The following CDKL2 variants were observed in gnomAD, a reference collection of about 807,000 sequenced individuals.
CDKL2 encodes the protein cyclin dependent kinase like 2, also known as cyclin-dependent kinase-like 2.
Under a neutral mutation model 63.9 loss-of-function variants are expected in CDKL2, and 64 were observed. The ratio of observed to expected loss-of-function variants is 1.00; its 90% CI spans 0.82 to 1.23. The LOEUF (loss-of-function observed/expected upper bound fraction) is 1.23. Ranked by LOEUF, CDKL2 falls within the 50% of genes most tolerant of loss-of-function variation. CDKL2 has a pLI of 0.00. For synonymous variants in CDKL2, 211 were observed against 229.2 expected, an observed-to-expected ratio of 0.92 and a Z score of 0.72; for missense variants, 656 against 668.0, an observed-to-expected ratio of 0.98 and a Z score of 0.20.
intron 12 of CDKL2, among the ~76,000 whole-genome samples, chr4:75,586,075 C>G (rs1193330312): frequency 1.3e-5 from 2 of 152,136 alleles, no homozygotes; most frequent in African/African-American, 4.8e-5. Context: ...TGAGTGTATT[C>G]TCTGACTACA....
chr4:75,599,564 A>AG (rs1271885784), intron 7 of CDKL2, among the ~76,000 whole-genome samples: 2 of 151,156 alleles, frequency 1.3e-5, no homozygotes, highest in African/African-American at 4.8e-5. Flanking sequence ...AAAAAAAAAA[A>AG]AAAAAAGAAA....
Position 75,597,022 on chromosome 4 carries a change from A to C in CDKL2, c.1235T>G (p.Ile412Ser). Residue 412 changes from isoleucine (I) to serine (S), a missense_variant, in exon 9 of 14, where the codon ATT becomes AGT. Transcript: ENST00000307465. ...AGAAAGATTGTGTGTAAGTGGGGGA[A>C]TTGCCACGCTTGGATTCCTTGTGTG... is the stretch of plus-strand genomic sequence containing the variant. ...VDHTRNPSVAIPPLTHNLSAV... is the reference protein window; with the variant it reads ...VDHTRNPSVASPPLTHNLSAV... 1 of 1,614,168 alleles carries C rather than the reference A, an allele frequency of 6.2e-7. No homozygotes were observed. The highest frequency in any genetic ancestry group is 8.5e-7 in the Non-Finnish European group (1 of 1,180,008).
At chr4:75,590,645 G>A (rs557603145) in intron 12 of CDKL2, among the ~76,000 whole-genome samples, 88 of 152,104 alleles carry the variant, frequency 5.8e-4, no homozygotes, top group African/African-American at 2.0e-3. Context: ...AACCTGGGAG[G>A]CAAAGGTTGC....
Position 75,590,106 on chromosome 4 carries a change from G to T in CDKL2, c.1647+1713C>A, listed in dbSNP as rs561385323. Among the ~76,000 whole-genome samples, 4 of 152,276 alleles carry T rather than the reference G, an allele frequency of 2.6e-5. No individual in the cohort carries two copies. In the East Asian group the frequency reaches 7.7e-4, roughly 29 times the overall value. On this transcript the variant is annotated intron_variant, in intron 12 of 13. Coordinates refer to ENST00000307465, the MANE Select transcript of CDKL2 (RefSeq NM_001330724.2). ...TGCCTAAGCCCAGGGGATCAAGGCTGTAGTGAGCCATGATGTTGCCACTGC... is the reference window on the plus strand; with the variant it reads ...TGCCTAAGCCCAGGGGATCAAGGCTTTAGTGAGCCATGATGTTGCCACTGC...
At chr4:75,590,805 G>A (rs1203026487) in intron 12 of CDKL2, among the ~76,000 whole-genome samples, 1 of 152,228 alleles carries the variant, frequency 6.6e-6, no homozygotes, top group African/African-American at 2.4e-5. Flanking sequence ...AAATGGAAAT[G>A]TGTTAATAAT....
intron 3 of CDKL2, among the ~76,000 whole-genome samples, chr4:75,612,453 G>A (rs2148898714): frequency 6.6e-6 from 1 of 152,248 alleles, no homozygotes; most frequent in Admixed American, 6.5e-5. Context: ...ATTCAAATGC[G>A]CTTCTAATGT....
chr4:75,580,980 G>T (rs1226179099), intron 13 of CDKL2, among the ~76,000 whole-genome samples: 2 of 152,116 alleles, frequency 1.3e-5, no homozygotes, highest in African/African-American at 4.8e-5. Context: ...GATTACAGGC[G>T]TGAGCCACCG....
At chr4:75,629,342 T>C (rs757159532) in intron 1 of CDKL2, among the ~76,000 whole-genome samples, 7 of 152,248 alleles carry the variant, frequency 4.6e-5, no homozygotes, top group Non-Finnish European at 1.0e-4. Context: ...TTAATGCAAG[T>C]TGACTGCTTC....
chr4:75,626,746 C>G (rs1309835523), intron 1 of CDKL2, among the ~76,000 whole-genome samples: 1 of 151,522 alleles, frequency 6.6e-6, no homozygotes, highest in Non-Finnish European at 1.5e-5. Flanking sequence ...TTTAAATTAG[C>G]TGGGTGTGGT....
At chr4:75,597,286 A>C in intron 8 of CDKL2, 50 bp from the exon 9 acceptor site, 1 of 1,165,358 alleles carries the variant, frequency 8.6e-7, no homozygotes, top group African/African-American at 1.5e-5. Context: ...AAGAGAATGA[A>C]AATTTACCTC....
chr4:75,607,447 C>A, intron 3 of CDKL2, 86 bp from the exon 4 acceptor site: 1 of 994,596 alleles, frequency 1.0e-6, no homozygotes, highest in Non-Finnish European at 1.4e-6. Flanking sequence ...GTATGTTGTC[C>A]CTATAAAGAA....
Position 75,591,837 on chromosome 4 carries a change from G to A in CDKL2, c.1629C>T (p.Pro543=), listed in dbSNP as rs755865377. Residue 543 remains proline (P), a synonymous_variant, in exon 12 of 14, where the codon CCC becomes CCT. Coordinates refer to ENST00000307465, the MANE Select transcript of CDKL2 (RefSeq NM_001330724.2). ...TCTGTACCTGATGTAATGTAATACT[G>A]GGGGTGTGCAGGTCAATAGCAGCCA... The part of the protein sequence containing the change: ...PSLAAIDLHT[P]SITLHQVSGP... 6.5e-7 allele frequency: 1 copy of A among 1,534,804 alleles called. No homozygotes were observed. The highest frequency in any genetic ancestry group is 1.2e-5 in the South Asian group (1 of 84,018).
intron 9 of CDKL2, 69 bp downstream of exon 9, chr4:75,596,866 T>C (rs1728961246): frequency 3.8e-6 from 5 of 1,299,226 alleles, no homozygotes; most frequent in Admixed American, 2.2e-5. Context: ...TGTGGATGAA[T>C]TGACAAACCC....
At chr4:75,601,177 T>C (rs895260043) in intron 6 of CDKL2, among the ~76,000 whole-genome samples, 33 of 152,218 alleles carry the variant, frequency 2.2e-4, no homozygotes, top group Non-Finnish European at 3.7e-4. Context: ...AAATAAATTT[T>C]GTGAAAATTA....
intron 12 of CDKL2, among the ~76,000 whole-genome samples, chr4:75,590,318 G>T: frequency 6.6e-6 from 1 of 152,212 alleles, no homozygotes; most frequent in Non-Finnish European, 1.5e-5. Context: ...AAGAGATAAG[G>T]CAAAGCAATC....
chr4:75,603,140 C>T (rs2148885492), intron 6 of CDKL2, among the ~76,000 whole-genome samples: 1 of 150,432 alleles, frequency 6.6e-6, no homozygotes, highest in South Asian at 2.1e-4. Context: ...GCTGGGACTA[C>T]AGGCGCCCGC....
intron 9 of CDKL2, 93 bp from the exon 10 acceptor site, chr4:75,596,433 C>A: frequency 2.7e-6 from 2 of 727,372 alleles, no homozygotes; most frequent in Non-Finnish European, 4.9e-6. Context: ...AACTAACAAG[C>A]AGTTTAACCA....
chr4:75,583,724 G>A (rs767513325), intron 12 of CDKL2, among the ~76,000 whole-genome samples: 9 of 152,152 alleles, frequency 5.9e-5, no homozygotes, highest in Non-Finnish European at 1.0e-4. Context: ...GGATGATGGA[G>A]AAATGGATGG....
chr4:75,594,448 G>GAA (rs35315033), intron 10 of CDKL2, among the ~76,000 whole-genome samples: 2 of 137,194 alleles, frequency 1.5e-5, no homozygotes. Flanking sequence ...ATTCTGACTC[G>GAA]AAAAAAAAAA....
Sources: allele counts gnomAD v4.1 joint callset (sites outside exome capture counted in the v4.1 genomes callset), GRCh38; gene constraint gnomAD v4.1.1; transcripts MANE v1.5; gene names NCBI Gene and HGNC (gene_info 2026-07-23, HGNC 2026-07-21).